LMNB2: variants seen among roughly 807,000 people sequenced by gnomAD.
LMNB2 encodes lamin B2.
Under a neutral mutation model 69.3 loss-of-function variants are expected in LMNB2, and 17 were observed. That is an observed-to-expected ratio of 0.25 (90% CI 0.17 to 0.37). The LOEUF (loss-of-function observed/expected upper bound fraction) is 0.37. LMNB2 is among the 10% of genes least tolerant of loss of function. LMNB2 has a pLI of 1.00. For synonymous variants in LMNB2, 397 were observed against 389.3 expected, an observed-to-expected ratio of 1.02 and a Z score of -0.23; for missense variants, 789 against 883.6, an observed-to-expected ratio of 0.89 and a Z score of 1.36.
intron 6 of LMNB2, 21 bp from the exon 7 acceptor site, chr19:2,434,536 G>A (rs772285864): frequency 2.6e-5 from 42 of 1,607,228 alleles, no homozygotes; most frequent in East Asian, 1.1e-4. Flanking sequence ...GGCGGGTGGC[G>A]AAGGTCAGGG....
intron 11 of LMNB2, 150 bp downstream of exon 11, chr19:2,431,398 G>A: frequency 1.0e-6 from 1 of 996,374 alleles, no homozygotes; most frequent in Non-Finnish European, 1.6e-6. Flanking sequence ...TGCCGTGCTG[G>A]TAACAGCCAA....
At chr19:2,449,465 G>T (rs1971995259) in intron 1 of LMNB2, among the ~76,000 whole-genome samples, 2 of 152,182 alleles carry the variant, frequency 1.3e-5, no homozygotes, top group South Asian at 4.1e-4. Context: ...TAGATTTTTT[G>T]AATTAATTGA....
At chr19:2,451,375 T>C (rs893313446) in intron 1 of LMNB2, among the ~76,000 whole-genome samples, 8 of 152,238 alleles carry the variant, frequency 5.3e-5, no homozygotes, top group African/African-American at 9.6e-5. Context: ...TATTCACCTA[T>C]GGGCTAAGGC....
intron 1 of LMNB2, among the ~76,000 whole-genome samples, chr19:2,448,356 A>G (rs1265284024): frequency 6.6e-6 from 1 of 152,182 alleles, no homozygotes; most frequent in African/African-American, 2.4e-5. Flanking sequence ...CTGTCCCCAC[A>G]GAGAGAGAGC....
rs1186171554 is a variant in LMNB2, at chr19:2,447,186, T to TA, written c.265-2647dup. Among the ~76,000 whole-genome samples the TA allele has an allele frequency of 6.6e-6, 1 of 151,544 alleles. No individual in the cohort carries two copies. Among genetic ancestry groups the TA allele is most frequent in the Non-Finnish European group, 1.5e-5 (1 of 67,924 alleles). On this transcript the variant is annotated intron_variant, in intron 1 of 11. Transcript: ENST00000325327. The surrounding 1 kb of genome is among the most constrained non-coding windows in gnomAD (Gnocchi z 4.4). ...AAATAAAATGAAAAATAAAAATAAATAAAAAAATAAAAGCAATGCGGTCCC... is the reference window on the plus strand; with the variant it reads ...AAATAAAATGAAAAATAAAAATAAATAAAAAAAATAAAAGCAATGCGGTCCC...
intron 4 of LMNB2, 48 bp from the exon 5 acceptor site, chr19:2,435,219 C>T: frequency 1.3e-6 from 2 of 1,594,094 alleles, no homozygotes; most frequent in Non-Finnish European, 1.7e-6. Context: ...GGGCCCCAAG[C>T]ACCAGGCCCA....
Position 2,456,617 on chromosome 19 carries a change from G to A in LMNB2, c.264+53C>T, listed in dbSNP as rs1972093562. The stretch of plus-strand genomic sequence containing the variant: ...TCCCCGCGATCGCGCGCCCCGCGGT[G>A]GGCGGGGCCTGCCGGCTGCACCCCC... On this transcript the variant is annotated intron_variant, in intron 1 of 11. Transcript: ENST00000325327. 35 of 1,399,382 alleles carry A rather than the reference G, an allele frequency of 2.5e-5. 1 individual carries two copies. The South Asian group carries it at 5.0e-4, about 20-fold the overall frequency. The allele number at this position is 1,399,382 out of a possible 1,614,324, so 86.7% of individuals were successfully genotyped here.
chr19:2,456,630 C>T, intron 1 of LMNB2, 40 bp downstream of exon 1: 1 of 1,437,118 alleles, frequency 7.0e-7, no homozygotes, highest in Non-Finnish European at 9.2e-7. Flanking sequence ...CGGGGCCTGC[C>T]GGCTGCACCC....
Position 2,438,417 on chromosome 19 carries a change from G to A in LMNB2, c.516C>T (p.Gly172=). ...GCAGCTCAGCCACGTCACTCTCCAGGCCGCGCTTGTCGCTGAGGGCAGCTG... is the reference window on the plus strand; with the variant it reads ...GCAGCTCAGCCACGTCACTCTCCAGACCGCGCTTGTCGCTGAGGGCAGCTG... The part of the protein sequence containing the change: ...ELAAALSDKR[G]LESDVAELRA... Residue 172 remains glycine (G), a synonymous_variant, in exon 3 of 12, where the codon GGC becomes GGT. Coordinates refer to ENST00000325327, the MANE Select transcript of LMNB2 (RefSeq NM_032737.4). The A allele has an allele frequency of 6.2e-7, 1 of 1,612,786 alleles. No homozygotes were observed.
At chr19:2,452,778 A>C (rs115273699) in intron 1 of LMNB2, among the ~76,000 whole-genome samples, 1 of 151,994 alleles carries the variant, frequency 6.6e-6, no homozygotes, top group African/African-American at 2.4e-5. Flanking sequence ...GCCACACACC[A>C]GGATGCTGTG....
At chr19:2,449,203 C>T (rs141606396) in intron 1 of LMNB2, among the ~76,000 whole-genome samples, 4 of 152,178 alleles carry the variant, frequency 2.6e-5, no homozygotes, top group African/African-American at 9.7e-5. Flanking sequence ...AGCCCTTTCT[C>T]GTGTTTAAAT....
At chr19:2,435,812 C>G (rs532483054) in intron 4 of LMNB2, among the ~76,000 whole-genome samples, 33 of 147,518 alleles carry the variant, frequency 2.2e-4, no homozygotes, top group African/African-American at 8.0e-4. Context: ...AGTGAGACTG[C>G]GTCTCAAAAA....
chr19:2,437,451 G>A (rs1359504688), intron 4 of LMNB2, among the ~76,000 whole-genome samples: 1 of 152,222 alleles, frequency 6.6e-6, no homozygotes, highest in Non-Finnish European at 1.5e-5. Flanking sequence ...CTCAGGGTGG[G>A]AACACCAAGC....
chr19:2,444,191 C>T lies in LMNB2; in HGVS notation c.401+213G>A, dbSNP rs1465284475. Among the ~76,000 whole-genome samples the T allele has an allele frequency of 4.6e-5, 7 of 152,228 alleles. No individual in the cohort carries two copies. In the South Asian group the frequency reaches 6.2e-4, roughly 13 times the overall value. ...TTACTTGTGAGCTTAAGCTGCCCTG[C>T]GCTTCCTGCTGTCCGATGTGAGCAT... On this transcript the variant is annotated intron_variant, in intron 2 of 11. Transcript: ENST00000325327.
rs1450900143 is a variant in LMNB2, at chr19:2,428,247, A to AC, written c.*2663_*2664insG. 6.6e-6 allele frequency: 1 copy of AC among 152,138 alleles called. No homozygotes were observed. Among genetic ancestry groups the AC allele is most frequent in the East Asian group, 1.9e-4 (1 of 5,196 alleles). 9.4% of individuals were successfully genotyped at this position (152,138 alleles called of 1,614,324 possible). The stretch of plus-strand genomic sequence containing the variant: ...ATATTACAAATCATTGGAAAAAAAA[A>AC]AGAACACATTAGGCATGCATCTTCT... On this transcript the variant is annotated 3_prime_UTR_variant, in exon 12 of 12. Coordinates refer to ENST00000325327, the MANE Select transcript of LMNB2 (RefSeq NM_032737.4).
In LMNB2 at chr19:2,456,757, G is replaced by C; in HGVS notation, c.177C>G (p.His59Gln). 1 of 1,558,140 alleles carries C rather than the reference G, an allele frequency of 6.4e-7. No individual in the cohort carries two copies. The highest frequency in any genetic ancestry group is 8.7e-7 in the Non-Finnish European group (1 of 1,152,374). Residue 59 changes from histidine (H) to glutamine (Q), a missense_variant, in exon 1 of 12, where the codon CAC becomes CAG. By Grantham distance (24) the His-to-Gln change is conservative. Transcript: ENST00000325327. ...ELRELNDRLA[H>Q]YIDRVRALEL... ...CCAGCGCGCGGACGCGGTCGATGTAGTGCGCCAGGCGGTCGTTGAGCTCGC... is the reference window on the plus strand; with the variant it reads ...CCAGCGCGCGGACGCGGTCGATGTACTGCGCCAGGCGGTCGTTGAGCTCGC...
intron 11 of LMNB2, 138 bp downstream of exon 11, chr19:2,431,410 G>T: frequency 2.7e-6 from 3 of 1,095,972 alleles, no homozygotes; most frequent in Non-Finnish European, 4.2e-6. Flanking sequence ...AACAGCCAAG[G>T]CTGGCTTCAC....
Position 2,438,169 on chromosome 19 carries a change from G to A in LMNB2, c.678C>T (p.Phe226=), listed in dbSNP as rs182026397. The change falls in exon 4 of 12, where the codon TTC becomes TTT. Residue 226 remains phenylalanine (F), a synonymous_variant. Coordinates refer to ENST00000325327, the MANE Select transcript of LMNB2 (RefSeq NM_032737.4). ...QEELDFRKSV[F]EEEVRETRRR... ...GGCCAGGCCACTCACTCACCTCCTC[G>A]AACACACTCTTCCGGAAGTCCAGCT... is the stretch of plus-strand genomic sequence containing the variant. 2.4e-5 allele frequency: 38 copies of A among 1,613,866 alleles called. No individual in the cohort carries two copies. The highest frequency in any genetic ancestry group is 3.1e-5 in the Non-Finnish European group (37 of 1,180,030).
rs188638425 is a variant in LMNB2 at position 2,447,108 on chromosome 19, C to A, written c.265-2568G>T. ...GCAGTGAGCCGAGATCGCACCACTG[C>A]CCTCCAGCCTGGGAGACAGAGCGAG... On this transcript the variant is annotated intron_variant, in intron 1 of 11. Transcript: ENST00000325327. This position sits in a 1 kb window ranked among gnomAD's most constrained non-coding sequence, Gnocchi z 4.4. Among the ~76,000 whole-genome samples, 1 of 151,856 alleles carries A rather than the reference C, an allele frequency of 6.6e-6. No homozygotes were observed. The highest frequency in any genetic ancestry group is 1.5e-5 in the Non-Finnish European group (1 of 67,982).
Sources: allele counts gnomAD v4.1 joint callset (sites outside exome capture counted in the v4.1 genomes callset), GRCh38; gene constraint gnomAD v4.1.1; non-coding constraint Gnocchi (gnomAD v3.1); transcripts MANE v1.5; gene names NCBI Gene and HGNC (gene_info 2026-07-23, HGNC 2026-07-21).